LRRC53: variants seen among roughly 807,000 people sequenced by gnomAD.
LRRC53 encodes the protein leucine-rich repeat-containing protein 53.
In LRRC53, 25 loss-of-function variants were observed where a neutral mutation model predicts 13.6. The ratio of observed to expected loss-of-function variants is 1.83; its 90% CI spans 1.34 to 2.56. LRRC53 has a LOEUF of 2.56. LRRC53 is among the 30% of genes most tolerant of loss of function. The probability of loss-of-function intolerance (pLI) is 0.00; values close to 1 mark genes in which losing one functional copy is unlikely to be tolerated. For missense variants in LRRC53, 527 were observed against 275.8 expected (o/e 1.91, Z -6.45); for synonymous variants, 204 against 109.8 (o/e 1.86, Z -5.37).
At chr1:74,524,757 A>G in the LRRC53 span, among the ~76,000 whole-genome samples, 1 of 142,500 alleles carries the variant, frequency 7.0e-6, no homozygotes, top group East Asian at 2.0e-4. Context: ...TTAAAAAAGT[A>G]AAAAAAAAAA....
intron 1 of LRRC53, among the ~76,000 whole-genome samples, chr1:74,502,159 G>C (rs1195994620): frequency 1.3e-5 from 2 of 152,068 alleles, no homozygotes; most frequent in Admixed American, 6.6e-5. Context: ...TATTTACTTG[G>C]AGTGATAATC....
At chr1:74,503,576 C>A (rs546682954) in intron 1 of LRRC53, among the ~76,000 whole-genome samples, 1 of 152,088 alleles carries the variant, frequency 6.6e-6, no homozygotes, top group East Asian at 1.9e-4. Flanking sequence ...AATCTAGGGA[C>A]AAGACCATTT....
chr1:74,525,059 T>C, the LRRC53 span, among the ~76,000 whole-genome samples: 3 of 152,040 alleles, frequency 2.0e-5, no homozygotes, highest in Admixed American at 2.0e-4. Flanking sequence ...AGACAAAGAA[T>C]GAAAGATGAG....
intron 4 of LRRC53, among the ~76,000 whole-genome samples, chr1:74,473,001 A>G (rs1295822879): frequency 1.3e-5 from 2 of 152,154 alleles, no homozygotes; most frequent in Non-Finnish European, 2.9e-5. Flanking sequence ...GGGACAGACC[A>G]TATCTACAGC....
At chr1:74,483,201 T>A in intron 2 of LRRC53, 61 bp downstream of exon 2, 1 of 709,258 alleles carries the variant, frequency 1.4e-6, no homozygotes, top group Non-Finnish European at 2.6e-6. Flanking sequence ...CAATGAAAGG[T>A]ATGGCAACCA....
chr1:74,469,950 G>A lies in LRRC53; in HGVS notation c.3672C>T (p.Asn1224=), dbSNP rs1270745829. 4.7e-5 allele frequency: 19 copies of A among 400,530 alleles called. No individual in the cohort carries two copies. The highest frequency in any genetic ancestry group is 8.8e-6 in the Non-Finnish European group (2 of 226,140). The allele number at this position is 400,530 out of a possible 1,614,324, so 24.8% of individuals were successfully genotyped here. Residue 1224 remains asparagine (N), a synonymous_variant, in exon 5 of 5, where the codon AAC becomes AAT. Transcript: ENST00000294635. ...LVPSRINEAE[N]SAPKPVLYPP... ...GATACAGTACAGGTTTTGGAGCAGA[G>A]TTTTCAGCTTCATTTATTCTGCTAG...
chr1:74,494,578 G>A lies in LRRC53; in HGVS notation c.-26-11203C>T, dbSNP rs1020364399. Among the ~76,000 whole-genome samples the A allele has an allele frequency of 3.3e-5, 5 of 152,188 alleles. No homozygotes were observed. In the East Asian group the frequency reaches 7.7e-4, roughly 24 times the overall value. On this transcript the variant is annotated intron_variant, in intron 1 of 4. Coordinates refer to ENST00000294635, the MANE Select transcript of LRRC53 (RefSeq NM_001382280.1). Reference sequence around the variant, plus strand: ...TCTTCTGTTCTTATTCTCTACTTGTGTCTTTTAAAGCTATTTCTCTGAACA... The same window carrying A: ...TCTTCTGTTCTTATTCTCTACTTGTATCTTTTAAAGCTATTTCTCTGAACA...
chr1:74,527,385 G>A, the LRRC53 span, among the ~76,000 whole-genome samples: 1 of 152,204 alleles, frequency 6.6e-6, no homozygotes, highest in Admixed American at 6.5e-5. Context: ...CATACTTACT[G>A]AGAAACAAGG....
intron 3 of LRRC53, 67 bp from the exon 4 acceptor site, chr1:74,475,877 A>G (rs1402381912): frequency 3.7e-6 from 2 of 538,234 alleles, no homozygotes; most frequent in African/African-American, 1.9e-5. Flanking sequence ...CATCAAATGT[A>G]AAAACCACAA....
intron 1 of LRRC53, among the ~76,000 whole-genome samples, chr1:74,497,328 C>T (rs532686363): frequency 7.9e-5 from 12 of 152,216 alleles, no homozygotes; most frequent in African/African-American, 2.6e-4. Flanking sequence ...AAATACTCCC[C>T]TCTTTCATCT....
chr1:74,521,522 ATATATATACACC>A, the LRRC53 span, among the ~76,000 whole-genome samples: 1 of 152,128 alleles, frequency 6.6e-6, no homozygotes, highest in Non-Finnish European at 1.5e-5. Flanking sequence ...ATGTGTATAT[ATATATATACACC>A]TATATATACA....
intron 1 of LRRC53, among the ~76,000 whole-genome samples, chr1:74,486,743 T>C (rs1405529524): frequency 6.6e-6 from 1 of 151,844 alleles, no homozygotes; most frequent in Non-Finnish European, 1.5e-5. Context: ...ATAAAAAGCT[T>C]AAAGATAAGG....
chr1:74,481,153 A>G (rs1167680225), intron 2 of LRRC53, among the ~76,000 whole-genome samples, 185 bp from the exon 3 acceptor site: 3 of 152,220 alleles, frequency 2.0e-5, no homozygotes, highest in African/African-American at 4.8e-5. Context: ...CTATATATCA[A>G]AATGATGGAT....
chr1:74,525,087 A>C, the LRRC53 span, among the ~76,000 whole-genome samples: 2 of 152,240 alleles, frequency 1.3e-5, no homozygotes, highest in African/African-American at 2.4e-5. Context: ...AGTGTGATAA[A>C]AAACATACTA....
At chr1:74,486,465 T>C (rs1289316603) in intron 1 of LRRC53, among the ~76,000 whole-genome samples, 1 of 151,270 alleles carries the variant, frequency 6.6e-6, no homozygotes, top group Non-Finnish European at 1.5e-5. Flanking sequence ...GATAGAGTAG[T>C]CAAACATCAT....
intron 1 of LRRC53, among the ~76,000 whole-genome samples, chr1:74,491,358 T>TAC (rs1307352486): frequency 6.6e-6 from 1 of 152,216 alleles, no homozygotes; most frequent in Non-Finnish European, 1.5e-5. Flanking sequence ...TAGCTGGGAC[T>TAC]ACAGGTGCGT....
the LRRC53 span, among the ~76,000 whole-genome samples, chr1:74,521,484 CACAT>C: frequency 2.5e-5 from 3 of 120,968 alleles, no homozygotes; most frequent in African/African-American, 5.1e-5. Context: ...CACACACACA[CACAT>C]GTAAACGCAT....
chr1:74,470,452 T>C lies in LRRC53; in HGVS notation c.3170A>G (p.Lys1057Arg). ...AVWHLTNSSE[K>R]GIDSTNALPR... ...CAATGCATTTGTGCTGTCAATTCCTTTTTCGCTACTATTGGTTAGGTGCCA... is the reference window on the plus strand; with the variant it reads ...CAATGCATTTGTGCTGTCAATTCCTCTTTCGCTACTATTGGTTAGGTGCCA... Residue 1057 changes from lysine (K) to arginine (R), a missense_variant, in exon 5 of 5, where the codon AAA becomes AGA. Coordinates refer to ENST00000294635, the MANE Select transcript of LRRC53 (RefSeq NM_001382280.1). 1 of 400,694 alleles carries C rather than the reference T, an allele frequency of 2.5e-6. No homozygotes were observed. Among genetic ancestry groups the C allele is most frequent in the Non-Finnish European group, 4.4e-6 (1 of 226,194 alleles). 24.8% of individuals were successfully genotyped at this position (400,694 alleles called of 1,614,324 possible).
chr1:74,535,042 G>T, the LRRC53 span, among the ~76,000 whole-genome samples: 8 of 151,762 alleles, frequency 5.3e-5, no homozygotes, highest in African/African-American at 1.2e-4. Context: ...GTAAAAATCA[G>T]GCATTCAGCC....
Sources: allele counts gnomAD v4.1 joint callset (sites outside exome capture counted in the v4.1 genomes callset), GRCh38; gene constraint gnomAD v4.1.1; transcripts MANE v1.5; gene names NCBI Gene and HGNC (gene_info 2026-07-23, HGNC 2026-07-21).